Variants in TANK observed in about 807,000 individuals in gnomAD.
TANK encodes the protein TRAF family member associated NFKB activator.
In TANK, 15 loss-of-function variants were observed where a neutral mutation model predicts 43.6. The ratio of observed to expected loss-of-function variants is 0.34; its 90% confidence interval spans 0.23 to 0.53. TANK has a LOEUF of 0.53. Ranked by LOEUF, TANK falls within the 20% of genes least tolerant of loss-of-function variation. TANK has a pLI of 0.94. For synonymous variants in TANK, 162 were observed against 178.2 expected (o/e 0.91, Z 0.73); for missense variants, 417 against 498.6 (o/e 0.84, Z 1.56).
chr2:161,223,263 T>A (rs1204068356), intron 4 of TANK: 1 of 152,062 alleles, frequency 6.6e-6, no homozygotes, highest in East Asian at 1.9e-4. Flanking sequence ...TAGAATACAT[T>A]ATTACAATAT....
intron 1 of TANK, chr2:161,161,343 G>A: frequency 6.4e-7 from 1 of 1,550,678 alleles, no homozygotes; most frequent in African/African-American, 1.4e-5. Flanking sequence ...GTGAAGAAGC[G>A]ACGTGAAATT....
intron 2 of TANK, among the ~76,000 whole-genome samples, chr2:161,184,270 G>A (rs979855709): frequency 2.6e-5 from 4 of 152,104 alleles, no homozygotes; most frequent in African/African-American, 9.7e-5. Context: ...CAGTCTTCCT[G>A]ACAGTGGGAT....
At chr2:161,159,137 T>C (rs1423990712), upstream of TANK, 1 of 152,194 alleles carries the variant, frequency 6.6e-6, no homozygotes, top group East Asian at 1.9e-4. Flanking sequence ...AATTTGGCAA[T>C]TGCTTACAAA....
intron 4 of TANK, among the ~76,000 whole-genome samples, chr2:161,208,668 C>T (rs1686752480): frequency 6.6e-6 from 1 of 151,412 alleles, no homozygotes; most frequent in East Asian, 2.0e-4. Context: ...CATCCGAAGG[C>T]TTAACTGGTT....
intron 1 of TANK, chr2:161,161,444 A>C: frequency 1.3e-6 from 2 of 1,550,164 alleles, no homozygotes; most frequent in Non-Finnish European, 1.7e-6. Flanking sequence ...CATTCTGTTA[A>C]AAATTATTGT....
chr2:161,187,137 T>C (rs2105311928), intron 2 of TANK, among the ~76,000 whole-genome samples: 1 of 152,180 alleles, frequency 6.6e-6, no homozygotes, highest in Admixed American at 6.5e-5. Flanking sequence ...AATCAAAAAT[T>C]GTTCCAAACT....
chr2:161,165,344 G>T (rs1035274687), intron 1 of TANK, among the ~76,000 whole-genome samples: 4 of 151,990 alleles, frequency 2.6e-5, no homozygotes, highest in Non-Finnish European at 5.9e-5. Flanking sequence ...TCAAAATAAA[G>T]GATTTTTTTT....
chr2:161,203,030 T>G (rs1686489732), intron 2 of TANK: 1 of 274,782 alleles, frequency 3.6e-6, no homozygotes, highest in African/African-American at 2.3e-5. Flanking sequence ...GTATCAACAC[T>G]TCCTTAGTGT....
intron 2 of TANK, among the ~76,000 whole-genome samples, chr2:161,192,964 GA>G (rs1416209698): frequency 2.6e-5 from 4 of 152,112 alleles, no homozygotes; most frequent in African/African-American, 9.7e-5. Flanking sequence ...CCATTGCTAT[GA>G]ATAACTTAAT....
At chr2:161,150,060 T>C (rs531583851) in intron 1 of TANK, among the ~76,000 whole-genome samples, 18 of 152,262 alleles carry the variant, frequency 1.2e-4, no homozygotes, top group African/African-American at 4.1e-4. Flanking sequence ...AAATTTGGTG[T>C]TATTTAAGTG....
intron 1 of TANK, among the ~76,000 whole-genome samples, chr2:161,174,533 T>C (rs915583587): frequency 6.6e-6 from 1 of 152,206 alleles, no homozygotes; most frequent in Non-Finnish European, 1.5e-5. Flanking sequence ...ATATATGATA[T>C]CATTTATGAG....
chr2:161,149,031 C>A (rs370796397), intron 1 of TANK, among the ~76,000 whole-genome samples: 11 of 152,042 alleles, frequency 7.2e-5, no homozygotes, highest in Admixed American at 2.0e-4. Context: ...AAAAAATAGG[C>A]TATTGAAATT....
chr2:161,152,416 A>C (rs1195256877), intron 1 of TANK, among the ~76,000 whole-genome samples: 2 of 152,150 alleles, frequency 1.3e-5, no homozygotes, highest in Non-Finnish European at 2.9e-5. Flanking sequence ...TGCCATTTAT[A>C]GAATTGTTGG....
intron 2 of TANK, among the ~76,000 whole-genome samples, chr2:161,191,915 G>A (rs973893284): frequency 9.2e-5 from 14 of 151,986 alleles, no homozygotes; most frequent in Non-Finnish European, 2.1e-4. Context: ...AGCCTCCTGA[G>A]TAGCTGGGAT....
intron 1 of TANK, among the ~76,000 whole-genome samples, chr2:161,149,322 G>C (rs531634915): frequency 3.3e-5 from 5 of 152,158 alleles, no homozygotes; most frequent in Admixed American, 1.3e-4. Flanking sequence ...ACTGATTTTT[G>C]AGTGTTTATA....
At chr2:161,205,490 G>A (rs1574034807) in intron 4 of TANK, among the ~76,000 whole-genome samples, 1 of 152,028 alleles carries the variant, frequency 6.6e-6, no homozygotes, top group African/African-American at 2.4e-5. Context: ...TCAATAGTCT[G>A]TGCTTAGTTT....
intron 1 of TANK, among the ~76,000 whole-genome samples, chr2:161,142,555 C>T (rs1683781451): frequency 1.3e-5 from 2 of 152,074 alleles, no homozygotes; most frequent in Admixed American, 1.3e-4. Context: ...GCCACTTTTC[C>T]CGACACCATT....
chr2:161,218,574 G>T (rs1559003197), intron 4 of TANK, among the ~76,000 whole-genome samples: 1 of 152,148 alleles, frequency 6.6e-6, no homozygotes, highest in Non-Finnish European at 1.5e-5. Flanking sequence ...TGCACCTGTA[G>T]TCCCAGCTAC....
At chr2:161,215,336 G>A (rs1687070880) in intron 4 of TANK, among the ~76,000 whole-genome samples, 1 of 152,084 alleles carries the variant, frequency 6.6e-6, no homozygotes, top group Admixed American at 6.6e-5. Context: ...ACCTTTATTT[G>A]TACATGGAGG....
Sources: gnomAD v4.1 joint callset for allele counts (sites outside exome capture counted in the v4.1 genomes callset) on GRCh38, gnomAD v4.1.1 for gene constraint, MANE v1.5 for transcripts, NCBI Gene and HGNC (gene_info 2026-07-23, HGNC 2026-07-21) for gene names.